The following DGKI variants were observed in gnomAD, a reference collection of about 807,000 sequenced individuals.
DGKI encodes the protein DAG kinase iota.
DGKI carries 55 observed loss-of-function variants against 147.5 expected under a neutral mutation model. The ratio of observed to expected loss-of-function variants is 0.37; its 90% confidence interval spans 0.30 to 0.47. The LOEUF is 0.47. Among genes scored for constraint, DGKI ranks in the 20% least tolerant of loss-of-function variants. The pLI, the probability that DGKI is intolerant of heterozygous loss-of-function variation, is 1.00. For synonymous variants in DGKI, 469 were observed against 477.1 expected, an observed-to-expected ratio of 0.98 and a Z score of 0.22; for missense variants, 1,007 against 1,323.8, an observed-to-expected ratio of 0.76 and a Z score of 3.71.
chr7:137,479,040 A>C (rs1431625524), intron 23 of DGKI, among the ~76,000 whole-genome samples: 1 of 152,170 alleles, frequency 6.6e-6, no homozygotes, highest in Non-Finnish European at 1.5e-5. Context: ...TTTCAATGGT[A>C]ATTTAGGGCC....
chr7:137,526,371 T>C (rs1390662610), intron 20 of DGKI, among the ~76,000 whole-genome samples: 1 of 142,822 alleles, frequency 7.0e-6, no homozygotes, highest in Non-Finnish European at 1.5e-5. Flanking sequence ...CCTTTCCTAT[T>C]GGGGTAGTGA....
intron 3 of DGKI, among the ~76,000 whole-genome samples, chr7:137,677,763 C>T (rs1383609207): frequency 6.6e-6 from 1 of 152,174 alleles, no homozygotes; most frequent in African/African-American, 2.4e-5. Context: ...AATTCTGGTG[C>T]TAATTTCCCC....
At position 137,599,916 on chromosome 7, in the gene DGKI, T is replaced by A. The variant is rs955689788; in HGVS notation, c.1168-11A>T. ...CAGGACTTTGGTTCCCTGTAAAAAA[T>A]AAATACACAAAAAGGCAATAATAGG... On this transcript the variant is annotated splice_polypyrimidine_tract_variant and intron_variant, in intron 10 of 32. Transcript: ENST00000614521. 1 of 1,608,262 alleles carries A rather than the reference T, an allele frequency of 6.2e-7. No homozygotes were observed. Among genetic ancestry groups the A allele is most frequent in the South Asian group, 1.1e-5 (1 of 90,744 alleles).
chr7:137,494,220 A>G (rs1401209559), intron 21 of DGKI, among the ~76,000 whole-genome samples: 4 of 152,232 alleles, frequency 2.6e-5, no homozygotes, highest in Non-Finnish European at 2.9e-5. Flanking sequence ...AGAGAAAAAG[A>G]GAAAGCAAGC....
chr7:137,478,224 T>C (rs1815244342), intron 23 of DGKI, among the ~76,000 whole-genome samples: 1 of 152,016 alleles, frequency 6.6e-6, no homozygotes, highest in African/African-American at 2.4e-5. Context: ...CAGAGAGAAA[T>C]GCATATTGTA....
At chr7:137,780,547 A>G (rs915856993) in intron 1 of DGKI, among the ~76,000 whole-genome samples, 1 of 152,190 alleles carries the variant, frequency 6.6e-6, no homozygotes, top group African/African-American at 2.4e-5. Flanking sequence ...TCATAAAGAA[A>G]GCGTGGTTTC....
intron 20 of DGKI, among the ~76,000 whole-genome samples, chr7:137,526,078 T>C (rs935134893): frequency 2.6e-5 from 4 of 152,166 alleles, no homozygotes; most frequent in Non-Finnish European, 5.9e-5. Context: ...TGTCAAAATA[T>C]ATTAGTGTCC....
At chr7:137,604,411 CTCTT>C (rs1164822065) in intron 10 of DGKI, among the ~76,000 whole-genome samples, 2 of 152,168 alleles carry the variant, frequency 1.3e-5, no homozygotes, top group African/African-American at 4.8e-5. Context: ...AAGTTATTTA[CTCTT>C]TCTGTCTTCC....
At chr7:137,569,271 A>C (rs1010298252) in intron 19 of DGKI, among the ~76,000 whole-genome samples, 1 of 152,162 alleles carries the variant, frequency 6.6e-6, no homozygotes, top group Non-Finnish European at 1.5e-5. Flanking sequence ...TCTTGCAGAC[A>C]ATCCCTGAGA....
At chr7:137,725,989 G>C (rs1193737789) in intron 1 of DGKI, among the ~76,000 whole-genome samples, 9 of 152,096 alleles carry the variant, frequency 5.9e-5, no homozygotes, top group South Asian at 2.1e-4. Flanking sequence ...AATACTCAAA[G>C]CTCATCAAAT....
intron 21 of DGKI, among the ~76,000 whole-genome samples, chr7:137,488,660 A>AT (rs1051834486): frequency 6.6e-6 from 1 of 152,174 alleles, no homozygotes; most frequent in Admixed American, 6.5e-5. Flanking sequence ...TTCTCTAAGA[A>AT]TTTTTTACAA....
intron 28 of DGKI, among the ~76,000 whole-genome samples, chr7:137,430,388 A>G (rs1813015255): frequency 8.3e-6 from 1 of 120,780 alleles, no homozygotes; most frequent in Admixed American, 1.1e-4. Context: ...GGAACATCAC[A>G]CTCTGGGGAC....
chr7:137,591,147 T>C (rs3800610), intron 12 of DGKI, among the ~76,000 whole-genome samples: 7,358 of 152,306 alleles, frequency 0.048, 416 homozygotes, highest in African/African-American at 0.13. Context: ...TCTCTTCTCC[T>C]TTTACCCTTG....
At chr7:137,726,497 A>G (rs571165825) in intron 1 of DGKI, among the ~76,000 whole-genome samples, 1 of 152,368 alleles carries the variant, frequency 6.6e-6, no homozygotes, top group African/African-American at 2.4e-5. Flanking sequence ...TAACCAAAAT[A>G]TAATGGTACT....
intron 3 of DGKI, among the ~76,000 whole-genome samples, chr7:137,660,691 C>T (rs905190931): frequency 2.0e-5 from 3 of 152,144 alleles, no homozygotes; most frequent in African/African-American, 7.2e-5. Flanking sequence ...ACCAAGAAAG[C>T]TATTTTTTTT....
chr7:137,590,296 T>G (rs1819562521), intron 12 of DGKI, among the ~76,000 whole-genome samples: 1 of 152,102 alleles, frequency 6.6e-6, no homozygotes, highest in African/African-American at 2.4e-5. Context: ...CACAGAAAGG[T>G]GGGACGTACT....
At chr7:137,496,927 CAACAACAAA>C (rs1343844821) in intron 21 of DGKI, among the ~76,000 whole-genome samples, 6 of 151,628 alleles carry the variant, frequency 4.0e-5, no homozygotes, top group East Asian at 1.9e-4. Context: ...GCCATTGCAA[CAACAACAAA>C]AACAACAAAA....
intron 28 of DGKI, among the ~76,000 whole-genome samples, chr7:137,428,849 T>C (rs150403103): frequency 0.39 from 58,902 of 151,490 alleles, 11,757 homozygotes; most frequent in East Asian, 0.65. Flanking sequence ...TTACAAGGGA[T>C]GCGAAGGACC....
chr7:137,451,715 T>C (rs1400530968), intron 27 of DGKI, among the ~76,000 whole-genome samples: 1 of 152,202 alleles, frequency 6.6e-6, no homozygotes, highest in South Asian at 2.1e-4. Context: ...TACTTTACAA[T>C]AGGTTTTAGA....
Sources: allele counts gnomAD v4.1 joint callset (sites outside exome capture counted in the v4.1 genomes callset), GRCh38; gene constraint gnomAD v4.1.1; transcripts MANE v1.5; gene names NCBI Gene and HGNC (gene_info 2026-07-23, HGNC 2026-07-21).